The following ANKRD11 variants were observed in gnomAD, a reference collection of about 807,000 sequenced individuals.
The protein encoded by ANKRD11 is ankyrin repeat domain-containing protein 11.
In ANKRD11, 17 loss-of-function variants were observed where a neutral mutation model predicts 195.7. The observed-to-expected ratio is 0.09, with a 90% CI of 0.06 to 0.13. ANKRD11 has a LOEUF of 0.13. Ranked by LOEUF, ANKRD11 falls within the 10% of genes least tolerant of loss-of-function variation. ANKRD11 has a pLI of 1.00. For missense variants in ANKRD11, 3,735 were observed against 3,566.1 expected (o/e 1.05, Z -1.21); for synonymous variants, 1,953 against 1,528.1 (o/e 1.28, Z -6.49).
chr16:89,489,641 G>A (rs371852447), intron 1 of ANKRD11, among the ~76,000 whole-genome samples: 1 of 151,968 alleles, frequency 6.6e-6, no homozygotes, highest in Admixed American at 6.6e-5. Flanking sequence ...GCGGGTCAGA[G>A]GTCGGCGCCC....
At chr16:89,382,681 T>G (rs1033943230) in intron 2 of ANKRD11, among the ~76,000 whole-genome samples, 1 of 151,306 alleles carries the variant, frequency 6.6e-6, no homozygotes, top group East Asian at 2.0e-4. Flanking sequence ...GGTCTCACTA[T>G]GTTGCCCAGG....
At chr16:89,398,097 A>G (rs150143777) in intron 2 of ANKRD11, among the ~76,000 whole-genome samples, 1,874 of 150,126 alleles carry the variant, frequency 0.012, 47 homozygotes, top group African/African-American at 0.045. Context: ...GATTACCTGT[A>G]ACCTCAGCGC....
chr16:89,486,092 G>A (rs1049191671), intron 1 of ANKRD11, among the ~76,000 whole-genome samples: 6 of 152,122 alleles, frequency 3.9e-5, no homozygotes, highest in African/African-American at 1.2e-4. Flanking sequence ...TTTATCTCTT[G>A]TTCTGCCTTA....
chr16:89,476,946 T>C (rs886798747), intron 1 of ANKRD11, among the ~76,000 whole-genome samples: 1 of 152,056 alleles, frequency 6.6e-6, no homozygotes, highest in Non-Finnish European at 1.5e-5. Flanking sequence ...GAACACATGA[T>C]ATGGTAACAA....
chr16:89,409,902 C>A (rs1292240762), intron 2 of ANKRD11, among the ~76,000 whole-genome samples: 1 of 152,074 alleles, frequency 6.6e-6, no homozygotes, highest in Admixed American at 6.6e-5. Context: ...TGTAGTGGCA[C>A]AATCTCAACT....
chr16:89,412,386 C>G (rs1002194564), intron 2 of ANKRD11: 6 of 152,368 alleles, frequency 3.9e-5, no homozygotes, highest in Non-Finnish European at 5.9e-5. Flanking sequence ...GTGCCCCATC[C>G]CTCCCCTCAG....
chr16:89,349,804 TTTA>T (rs1397760445), intron 2 of ANKRD11, among the ~76,000 whole-genome samples: 1 of 150,652 alleles, frequency 6.6e-6, no homozygotes, highest in Non-Finnish European at 1.5e-5. Context: ...AACTAAAAAC[TTTA>T]GCTGCTCTAA....
chr16:89,288,840 A>C (rs2034833702), intron 6 of ANKRD11, 170 bp from the exon 7 acceptor site: 1 of 850,198 alleles, frequency 1.2e-6, no homozygotes, highest in South Asian at 1.5e-5. Context: ...GAGAACCCCT[A>C]AATTCTCTTT....
intron 2 of ANKRD11, among the ~76,000 whole-genome samples, chr16:89,382,297 C>T (rs562667096): frequency 6.6e-6 from 1 of 151,614 alleles, no homozygotes; most frequent in African/African-American, 2.4e-5. Context: ...TTAAACTAGA[C>T]AGCCAGGCAC....
chr16:89,463,126 G>C (rs894658836), intron 1 of ANKRD11, among the ~76,000 whole-genome samples: 3 of 147,652 alleles, frequency 2.0e-5, no homozygotes, highest in African/African-American at 7.5e-5. Context: ...GCCCCTACTG[G>C]GAAGTGAGGA....
chr16:89,478,149 T>C (rs548690421), intron 1 of ANKRD11, among the ~76,000 whole-genome samples: 2 of 152,170 alleles, frequency 1.3e-5, no homozygotes, highest in East Asian at 3.8e-4. Flanking sequence ...GTTCCCAACG[T>C]TGTTGTCAGG....
rs2057001941 is a variant in ANKRD11, at chr16:89,469,600, T to C, written c.-145+20645A>G. On this transcript the variant is annotated intron_variant, in intron 1 of 12. Coordinates refer to ENST00000301030, the MANE Select transcript of ANKRD11 (RefSeq NM_013275.6). ...AGAAAGGAGATAAAACGTACGCAAA[T>C]AAGAAAGGAAAAAGTAGGCCAGGCG... is the stretch of plus-strand genomic sequence containing the variant. 2.7e-5 allele frequency among the ~76,000 whole-genome samples: 4 copies of C among 150,564 alleles called. 1 individual carries two copies. In the South Asian group the frequency reaches 8.5e-4, roughly 32 times the overall value.
chr16:89,435,491 G>A (rs150973137), intron 1 of ANKRD11, among the ~76,000 whole-genome samples: 20 of 152,190 alleles, frequency 1.3e-4, no homozygotes, highest in African/African-American at 3.9e-4. Context: ...TCAGCGCGAA[G>A]GTCTGCAGCT....
chr16:89,449,591 C>G (rs1057105759), intron 1 of ANKRD11, among the ~76,000 whole-genome samples: 4 of 151,908 alleles, frequency 2.6e-5, no homozygotes, highest in African/African-American at 9.7e-5. Context: ...GTCGAGAGTT[C>G]GAGACCAGCC....
At chr16:89,329,015 GCA>G (rs2037903894) in intron 2 of ANKRD11, 1 of 149,466 alleles carries the variant, frequency 6.7e-6, no homozygotes, top group East Asian at 2.0e-4. Context: ...GGGCGAATCT[GCA>G]GAGGCCCCTG....
At chr16:89,458,614 C>T (rs1330189080) in intron 1 of ANKRD11, among the ~76,000 whole-genome samples, 1 of 152,238 alleles carries the variant, frequency 6.6e-6, no homozygotes, top group African/African-American at 2.4e-5. Context: ...CACTGGAAGG[C>T]TGAACATCAC....
chr16:89,423,387 A>T (rs1201140674), intron 1 of ANKRD11, among the ~76,000 whole-genome samples: 2 of 152,254 alleles, frequency 1.3e-5, no homozygotes, highest in African/African-American at 4.8e-5. Flanking sequence ...TCTCAGGGCC[A>T]GGTCTGTCTT....
intron 1 of ANKRD11, chr16:89,419,965 G>A (rs749591116): frequency 1.3e-5 from 2 of 152,234 alleles, no homozygotes; most frequent in African/African-American, 2.4e-5. Context: ...CTTGAGCCCA[G>A]AAGTTGGAGA....
intron 1 of ANKRD11, among the ~76,000 whole-genome samples, chr16:89,466,845 G>A (rs879890642): frequency 6.6e-6 from 1 of 152,214 alleles, no homozygotes; most frequent in Admixed American, 6.5e-5. Context: ...GGGCATGTTC[G>A]AGAGTTTTTA....
Sources: gnomAD v4.1 joint callset for allele counts (sites outside exome capture counted in the v4.1 genomes callset) on GRCh38, gnomAD v4.1.1 for gene constraint, MANE v1.5 for transcripts, NCBI Gene and HGNC (gene_info 2026-07-23, HGNC 2026-07-21) for gene names.